BMP7: variants seen among roughly 807,000 people sequenced by gnomAD.
BMP7 encodes osteogenic protein 1.
BMP7 carries 12 observed loss-of-function variants against 41.2 expected under a neutral mutation model. The ratio of observed to expected loss-of-function variants is 0.29; its 90% confidence interval spans 0.19 to 0.47. BMP7 has a LOEUF of 0.47. Among genes scored for constraint, BMP7 ranks in the 20% least tolerant of loss-of-function variants. The pLI, the probability that BMP7 is intolerant of heterozygous loss-of-function variation, is 0.99. For synonymous variants in BMP7, 248 were observed against 250.0 expected, an observed-to-expected ratio of 0.99 and a Z score of 0.07; for missense variants, 467 against 606.0, an observed-to-expected ratio of 0.77 and a Z score of 2.41.
chr20:57,174,291 C>T lies in BMP7; in HGVS notation c.1035+640G>A, dbSNP rs1177216193. 2.6e-5 allele frequency among the ~76,000 whole-genome samples: 4 copies of T among 152,228 alleles called. No individual in the cohort carries two copies. The highest frequency in any genetic ancestry group is 9.6e-5 in the African/African-American group (4 of 41,452). ...ATTGCAGTGTTCATCGCTGCATCTC[C>T]AATCCAGTACCTAGAACAGGGCCCA... On this transcript the variant is annotated intron_variant, in intron 5 of 6. Coordinates refer to ENST00000395863, the MANE Select transcript of BMP7 (RefSeq NM_001719.3). The surrounding 1 kb of genome is among the most constrained non-coding windows in gnomAD (Gnocchi z 4.3).
intron 1 of BMP7, among the ~76,000 whole-genome samples, chr20:57,262,712 A>G (rs951023695): frequency 2.0e-5 from 3 of 152,052 alleles, no homozygotes; most frequent in African/African-American, 7.2e-5. Context: ...GGCTGCCAAG[A>G]TCCTCACCCA....
At chr20:57,190,882 C>T (rs1984340617) in intron 3 of BMP7, among the ~76,000 whole-genome samples, 1 of 152,192 alleles carries the variant, frequency 6.6e-6, no homozygotes, top group South Asian at 2.1e-4. Flanking sequence ...GGTGGGCCTG[C>T]CCACTCCAGC....
chr20:57,235,840 A>G (rs1311652481), intron 1 of BMP7, among the ~76,000 whole-genome samples: 2 of 152,230 alleles, frequency 1.3e-5, no homozygotes, highest in Non-Finnish European at 2.9e-5. Context: ...GTCCCTTGTT[A>G]GACACAAAGC....
chr20:57,203,063 G>A (rs1984660403), intron 2 of BMP7, among the ~76,000 whole-genome samples: 1 of 152,032 alleles, frequency 6.6e-6, no homozygotes, highest in Admixed American at 6.6e-5. Flanking sequence ...CCGAAGCTGT[G>A]GGAATATCAT....
rs764632412 is a variant in BMP7, at chr20:57,175,025, T to A, written c.959-18A>T. The A allele has an allele frequency of 1.2e-6, 2 of 1,606,882 alleles. No homozygotes were observed. Among genetic ancestry groups the A allele is most frequent in the Non-Finnish European group, 1.7e-6 (2 of 1,178,688 alleles). ...GCTGTTCTCTGCATTGACAAGGAAG[T>A]GAAGAAGCAGAGCCCAGTGAGGAGA... On this transcript the variant is annotated intron_variant, in intron 4 of 6. Transcript: ENST00000395863.
At chr20:57,182,885 C>T (rs376607605) in intron 4 of BMP7, among the ~76,000 whole-genome samples, 2 of 152,186 alleles carry the variant, frequency 1.3e-5, no homozygotes, top group South Asian at 2.1e-4. Flanking sequence ...TAAAACCTAT[C>T]GTAAATAAAC....
intron 1 of BMP7, among the ~76,000 whole-genome samples, chr20:57,250,118 T>A (rs997283933): frequency 1.9e-4 from 29 of 152,126 alleles, no homozygotes; most frequent in African/African-American, 6.5e-4. Flanking sequence ...ACATCTGGCA[T>A]GGGCTGGTCC....
chr20:57,212,186 A>G (rs1984904891), intron 2 of BMP7, among the ~76,000 whole-genome samples: 1 of 152,212 alleles, frequency 6.6e-6, no homozygotes, highest in African/African-American at 2.4e-5. Context: ...GTGAGGTGTG[A>G]GGGTGTGCGG....
chr20:57,212,719 T>C (rs1984922981), intron 2 of BMP7, among the ~76,000 whole-genome samples: 1 of 152,170 alleles, frequency 6.6e-6, no homozygotes, highest in African/African-American at 2.4e-5. Context: ...CAACCCGCCG[T>C]GCACCTGGAG....
intron 2 of BMP7, among the ~76,000 whole-genome samples, chr20:57,226,862 T>C (rs1169023830): frequency 1.4e-5 from 2 of 146,740 alleles, no homozygotes; most frequent in Non-Finnish European, 3.0e-5. Flanking sequence ...AGTCTCACTC[T>C]GTCACCCAGG....
chr20:57,208,590 C>T (rs62205667), intron 2 of BMP7, among the ~76,000 whole-genome samples: 1 of 152,182 alleles, frequency 6.6e-6, no homozygotes, highest in Non-Finnish European at 1.5e-5. Context: ...CAGCTACCCA[C>T]AGAAGCAATT....
At chr20:57,182,718 A>G (rs970785007) in intron 4 of BMP7, among the ~76,000 whole-genome samples, 1 of 152,264 alleles carries the variant, frequency 6.6e-6, no homozygotes, top group African/African-American at 2.4e-5. Flanking sequence ...TCAGAGCCTC[A>G]AGAACCACAC....
chr20:57,262,484 C>T (rs1365828012), intron 1 of BMP7, among the ~76,000 whole-genome samples: 1 of 152,204 alleles, frequency 6.6e-6, no homozygotes, highest in East Asian at 1.9e-4. Flanking sequence ...CTCTAGTTTC[C>T]CCTCTAGTTT....
At position 57,265,868 on chromosome 20, in the gene BMP7, G is replaced by T. The variant is rs777610187; in HGVS notation, c.255C>A (p.Asp85Glu). Residue 85 changes from aspartate to glutamate, a missense_variant, in exon 1 of 7, where the codon GAC (aspartate) becomes GAA (glutamate). Around this residue, in one of 2 missense-constraint regions of BMP7, gnomAD observed 407 missense variants for 485.9 expected, o/e 0.84. Coordinates refer to ENST00000395863, the MANE Select transcript of BMP7 (RefSeq NM_001719.3). ...CCTCCACCGCCATGGCGTTGTACAG[G>T]TCCAGCATGAACATGGGTGCCGAGT... ...KHNSAPMFML[D>E]LYNAMAVEEG... The T allele has an allele frequency of 1.4e-5, 23 of 1,605,776 alleles. No homozygotes were observed. In the Middle Eastern group the frequency reaches 5.0e-4, roughly 35 times the overall value.
chr20:57,170,297 C>G lies in BMP7; in HGVS notation c.*662G>C, dbSNP rs1237000217. The stretch of plus-strand genomic sequence containing the variant: ...GCCCTCCTCGGAGCAGACATTTGCT[C>G]TTTCCCCTCCCACTAGATCTTGGAT... On this transcript the variant is annotated 3_prime_UTR_variant, in exon 7 of 7. Coordinates refer to ENST00000395863, the MANE Select transcript of BMP7 (RefSeq NM_001719.3). 1.3e-5 allele frequency: 2 copies of G among 159,902 alleles called. No individual in the cohort carries two copies. Among genetic ancestry groups the G allele is most frequent in the Non-Finnish European group, 2.8e-5 (2 of 72,214 alleles). 9.9% of individuals were successfully genotyped at this position (159,902 alleles called of 1,614,324 possible). A position where few individuals can be genotyped will look rare whatever the true frequency, so the allele number is the denominator to read the frequency against.
chr20:57,266,004 C>T lies in BMP7; in HGVS notation c.119G>A (p.Ser40Asn), dbSNP rs1444696170. ...GCTGCGGAGGCGCCGGTGGATGAAGCTCGAGTGCACCTCGTTGTCCAGGCT... is the reference window on the plus strand; with the variant it reads ...GCTGCGGAGGCGCCGGTGGATGAAGTTCGAGTGCACCTCGTTGTCCAGGCT... ...DFSLDNEVHS[S>N]FIHRRLRSQE... Residue 40 changes from serine (S) to asparagine (N), a missense_variant, in exon 1 of 7, where the codon AGC (serine) becomes AAC (asparagine). Physicochemically the swap from Ser to Asn is conservative, Grantham distance 46. This residue lies in a region of BMP7 where 407 missense variants were observed against 485.9 expected (regional missense o/e 0.84). Transcript: ENST00000395863. The T allele has an allele frequency of 6.5e-7, 1 of 1,549,486 alleles. No individual in the cohort carries two copies. The highest frequency in any genetic ancestry group is 8.7e-7 in the Non-Finnish European group (1 of 1,146,968).
intron 1 of BMP7, among the ~76,000 whole-genome samples, chr20:57,265,432 C>T (rs1483072931): frequency 6.6e-6 from 1 of 152,270 alleles, no homozygotes; most frequent in Non-Finnish European, 1.5e-5. Context: ...CCTCCAGCCC[C>T]AGAGATGCGG....
chr20:57,179,877 A>T (rs572064187), intron 4 of BMP7, among the ~76,000 whole-genome samples: 3 of 152,286 alleles, frequency 2.0e-5, no homozygotes, highest in Non-Finnish European at 4.4e-5. Flanking sequence ...CTGCCACGGG[A>T]AACAGTGAGA....
At chr20:57,207,830 T>C in intron 2 of BMP7, among the ~76,000 whole-genome samples, 1 of 141,446 alleles carries the variant, frequency 7.1e-6, no homozygotes, top group Non-Finnish European at 1.5e-5. Context: ...TTTTTTTTTT[T>C]TTTTTTTTTT....
Sources: gnomAD v4.1 joint callset for allele counts (sites outside exome capture counted in the v4.1 genomes callset) on GRCh38, gnomAD v4.1.1 for gene constraint, gnomAD v4.1.1 regional missense constraint, Gnocchi (gnomAD v3.1) non-coding constraint, MANE v1.5 for transcripts, NCBI Gene and HGNC (gene_info 2026-07-23, HGNC 2026-07-21) for gene names.